The following MSH3 variants were observed in gnomAD, a reference collection of about 807,000 sequenced individuals.
MSH3 encodes the protein DNA mismatch repair protein Msh3.
MSH3 carries 106 observed loss-of-function variants against 123.3 expected under a neutral mutation model. That is an observed-to-expected ratio of 0.86 (90% confidence interval 0.73 to 1.01). MSH3 has a LOEUF of 1.01. MSH3 is among the 50% of genes least tolerant of loss of function. The pLI is 0.00. For missense variants in MSH3, 1,459 were observed against 1,347.6 expected, an observed-to-expected ratio of 1.08 and a Z score of -1.29; for synonymous variants, 515 against 481.4, an observed-to-expected ratio of 1.07 and a Z score of -0.91.
At chr5:80,741,958 T>G (rs1341246120) in intron 11 of MSH3, among the ~76,000 whole-genome samples, 1 of 151,820 alleles carries the variant, frequency 6.6e-6, no homozygotes, top group Non-Finnish European at 1.5e-5. Flanking sequence ...TTCTGGGATA[T>G]TCAGTTTGAC....
chr5:80,805,874 A>C (rs534117299), intron 19 of MSH3, among the ~76,000 whole-genome samples: 1 of 152,130 alleles, frequency 6.6e-6, no homozygotes, highest in South Asian at 2.1e-4. Flanking sequence ...GGCGTGGGAC[A>C]CCGCACCCGG....
At chr5:80,659,630 C>T (rs1749382892) in intron 2 of MSH3, among the ~76,000 whole-genome samples, 1 of 152,146 alleles carries the variant, frequency 6.6e-6, no homozygotes, top group African/African-American at 2.4e-5. Flanking sequence ...GTAAAATATA[C>T]ATAACATAAA....
At chr5:80,661,647 T>C (rs531217042) in intron 2 of MSH3, among the ~76,000 whole-genome samples, 76 of 152,366 alleles carry the variant, frequency 5.0e-4, no homozygotes, top group Non-Finnish European at 9.4e-4. Flanking sequence ...CTTGTTCTTA[T>C]ATGCTAATTG....
intron 8 of MSH3, among the ~76,000 whole-genome samples, chr5:80,724,176 CATT>C (rs1751144617): frequency 6.6e-6 from 1 of 152,190 alleles, no homozygotes; most frequent in South Asian, 2.1e-4. Context: ...TGTGACAAAA[CATT>C]AACACCAAAT....
rs190990495 is a variant in MSH3, at chr5:80,716,310, C to T, written c.1341-9143C>T. ...AGTAAACTTTTATTTAGAGTAATTCCTCTTTATGATTTTTTTGTTCTAAAG... is the reference window on the plus strand; with the variant it reads ...AGTAAACTTTTATTTAGAGTAATTCTTCTTTATGATTTTTTTGTTCTAAAG... On this transcript the variant is annotated intron_variant, in intron 8 of 23. Coordinates refer to ENST00000265081, the MANE Select transcript of MSH3 (RefSeq NM_002439.5). Among the ~76,000 whole-genome samples, 582 of 152,104 alleles carry T rather than the reference C, an allele frequency of 3.8e-3. 4 individuals are homozygous for T. The highest frequency in any genetic ancestry group is 0.013 in the African/African-American group (543 of 41,510).
intron 8 of MSH3, among the ~76,000 whole-genome samples, chr5:80,695,075 GT>G (rs1301108997): frequency 2.5e-5 from 3 of 118,738 alleles, no homozygotes; most frequent in African/African-American, 9.7e-5. Context: ...TGGTGGTGGT[GT>G]TTTTTTTGTT....
chr5:80,683,877 T>G (rs1460458769), intron 8 of MSH3, among the ~76,000 whole-genome samples: 2 of 152,186 alleles, frequency 1.3e-5, no homozygotes, highest in Admixed American at 6.5e-5. Context: ...TGGTGAGAGA[T>G]AGGGTCTAGT....
intron 21 of MSH3, among the ~76,000 whole-genome samples, chr5:80,857,964 C>T (rs1184218902): frequency 6.6e-6 from 1 of 151,978 alleles, no homozygotes; most frequent in East Asian, 1.9e-4. Flanking sequence ...AAGATAGAAG[C>T]TTAGATTGTT....
intron 2 of MSH3, among the ~76,000 whole-genome samples, chr5:80,657,958 C>A (rs1749327978): frequency 6.6e-6 from 1 of 151,776 alleles, no homozygotes; most frequent in African/African-American, 2.4e-5. Context: ...GGTCTACAAA[C>A]ACTGAATGAG....
intron 12 of MSH3, among the ~76,000 whole-genome samples, chr5:80,757,680 A>G (rs542768537): frequency 6.6e-6 from 1 of 152,314 alleles, no homozygotes; most frequent in South Asian, 2.1e-4. Context: ...ACTATCAGTC[A>G]TCTTGGAATA....
intron 8 of MSH3, chr5:80,715,114 T>A (rs938402925): frequency 2.6e-5 from 4 of 152,204 alleles, no homozygotes; most frequent in African/African-American, 7.2e-5. Context: ...GTACTTAATG[T>A]CTCAAGTTCA....
chr5:80,721,171 C>T (rs1314662112), intron 8 of MSH3, among the ~76,000 whole-genome samples: 1 of 152,106 alleles, frequency 6.6e-6, no homozygotes, highest in African/African-American at 2.4e-5. Context: ...TTTTGAGGTT[C>T]ATTTTGCTGC....
intron 20 of MSH3, among the ~76,000 whole-genome samples, chr5:80,825,415 T>C (rs1416004468): frequency 6.6e-6 from 1 of 152,248 alleles, no homozygotes; most frequent in Non-Finnish European, 1.5e-5. Context: ...TTTATAAAAT[T>C]CATATGGGTA....
In MSH3 at chr5:80,761,542, A is replaced by G. The variant is rs1300101414; in HGVS notation, c.1764-4A>G. 2 of 1,614,014 alleles carry G rather than the reference A, an allele frequency of 1.2e-6. No individual in the cohort carries two copies. The highest frequency in any genetic ancestry group is 8.5e-7 in the Non-Finnish European group (1 of 1,179,912). On this transcript the variant is annotated splice_region_variant and splice_polypyrimidine_tract_variant and intron_variant, in intron 12 of 23. Coordinates refer to ENST00000265081, the MANE Select transcript of MSH3 (RefSeq NM_002439.5). Reference sequence around the variant, plus strand: ...TGATTATTGCTATTACTCTTTTCTCACAGGGAAATAAATGCCCGGCTTGAT... The same window carrying G: ...TGATTATTGCTATTACTCTTTTCTCGCAGGGAAATAAATGCCCGGCTTGAT...
intron 21 of MSH3, among the ~76,000 whole-genome samples, chr5:80,857,865 C>T (rs986609296): frequency 6.6e-6 from 1 of 151,976 alleles, no homozygotes; most frequent in Non-Finnish European, 1.5e-5. Flanking sequence ...TTCCCCATTG[C>T]TTTCTTGTTT....
At chr5:80,716,501 G>A (rs1256225362) in intron 8 of MSH3, among the ~76,000 whole-genome samples, 1 of 151,978 alleles carries the variant, frequency 6.6e-6, no homozygotes, top group Non-Finnish European at 1.5e-5. Flanking sequence ...CTGGCCTCAA[G>A]CGATCCTCCT....
At chr5:80,724,629 C>G (rs1176399717) in intron 8 of MSH3, among the ~76,000 whole-genome samples, 1 of 152,088 alleles carries the variant, frequency 6.6e-6, no homozygotes, top group African/African-American at 2.4e-5. Flanking sequence ...TTTAGGAGGA[C>G]TGTAGAATCA....
intron 17 of MSH3, among the ~76,000 whole-genome samples, chr5:80,785,705 G>A (rs988855010): frequency 7.2e-5 from 11 of 151,948 alleles, no homozygotes; most frequent in African/African-American, 1.2e-4. Context: ...TGTTTATTGC[G>A]GCATTATTCA....
rs571446417 is a variant in MSH3 at position 80,850,425 on chromosome 5, C to T, written c.2814-3705C>T. Among the ~76,000 whole-genome samples the T allele has an allele frequency of 1.6e-4, 25 of 152,160 alleles. No homozygotes were observed. In the South Asian group the frequency reaches 2.1e-3, roughly 13 times the overall value. On this transcript the variant is annotated intron_variant, in intron 20 of 23. Coordinates refer to ENST00000265081, the MANE Select transcript of MSH3 (RefSeq NM_002439.5). ...TTCACACTGCTGATAATGACATACC[C>T]GAGGCTGGGCAGTTTACAAAAGAAA...
Sources: allele counts gnomAD v4.1 joint callset (sites outside exome capture counted in the v4.1 genomes callset), GRCh38; gene constraint gnomAD v4.1.1; transcripts MANE v1.5; gene names NCBI Gene and HGNC (gene_info 2026-07-23, HGNC 2026-07-21).